The following PDPK1 variants were observed in gnomAD, a reference collection of about 807,000 sequenced individuals.
PDPK1 encodes 3-phosphoinositide dependent protein kinase 1, also known as 3-phosphoinositide-dependent protein kinase 1.
In PDPK1, 7 loss-of-function variants were observed where a neutral mutation model predicts 39.8. The observed-to-expected ratio is 0.18, with a 90% CI of 0.10 to 0.33. The LOEUF (loss-of-function observed/expected upper bound fraction) is 0.33, where lower values mean the gene tolerates loss of function less well. PDPK1 is among the 10% of genes least tolerant of loss of function. The pLI, the probability that PDPK1 is intolerant of heterozygous loss-of-function variation, is 1.00. For synonymous variants in PDPK1, 118 were observed against 159.1 expected, an observed-to-expected ratio of 0.74 and a Z score of 1.95; for missense variants, 182 against 384.7, an observed-to-expected ratio of 0.47 and a Z score of 4.41.
rs2067220432 is a variant in PDPK1, at chr16:2,601,729, G to A, written c.*3962G>A. The stretch of plus-strand genomic sequence containing the variant: ...GGGGCCCCACCTTCAGGTCTTAGTG[G>A]TTCACAAGAGCCCAGCAGCCAGGCT... On this transcript the variant is annotated 3_prime_UTR_variant, in exon 14 of 14. Transcript: ENST00000342085. 3 of 188,416 alleles carry A rather than the reference G, an allele frequency of 1.6e-5. No individual in the cohort carries two copies. The highest frequency in any genetic ancestry group is 3.2e-5 in the Non-Finnish European group (3 of 94,712). 11.7% of individuals were successfully genotyped at this position (188,416 alleles called of 1,614,324 possible). A position where few individuals can be genotyped will look rare whatever the true frequency, so the allele number is the denominator to read the frequency against.
At chr16:2,539,720 G>A (rs1216331640) in intron 1 of PDPK1, among the ~76,000 whole-genome samples, 1 of 152,322 alleles carries the variant, frequency 6.6e-6, no homozygotes, top group Admixed American at 6.5e-5. Flanking sequence ...GGCTGGGGCC[G>A]AGAGTTATGT....
chr16:2,544,498 C>T (rs994874865), intron 1 of PDPK1, among the ~76,000 whole-genome samples: 3 of 152,216 alleles, frequency 2.0e-5, no homozygotes, highest in Admixed American at 6.5e-5. Context: ...AAGCATAGTA[C>T]AATGAATATC....
chr16:2,543,971 G>A (rs1199532156), intron 1 of PDPK1, among the ~76,000 whole-genome samples: 1 of 151,584 alleles, frequency 6.6e-6, no homozygotes, highest in Non-Finnish European at 1.5e-5. Flanking sequence ...CTGACCTCAG[G>A]TGATCCGCCC....
At chr16:2,542,169 T>C (rs78166855) in intron 1 of PDPK1, among the ~76,000 whole-genome samples, 2,889 of 152,090 alleles carry the variant, frequency 0.019, 17 homozygotes, top group African/African-American at 0.067. Flanking sequence ...TGTTTATTTA[T>C]TTATTTTTTC....
chr16:2,592,865 A>G (rs908994078), intron 11 of PDPK1: 4 of 456,014 alleles, frequency 8.8e-6, no homozygotes, highest in African/African-American at 8.0e-5. Flanking sequence ...TGTCTCTCTC[A>G]GGGGATGCTG....
Position 2,599,946 on chromosome 16 carries a change from C to T in PDPK1, c.*2179C>T, listed in dbSNP as rs2067183261. The T allele has an allele frequency of 4.3e-6, 1 of 233,214 alleles. No individual in the cohort carries two copies. The highest frequency in any genetic ancestry group is 5.6e-5 in the Admixed American group (1 of 17,788). The allele number at this position is 233,214 out of a possible 1,614,324, so 14.4% of individuals were successfully genotyped here. On this transcript the variant is annotated 3_prime_UTR_variant, in exon 14 of 14. Coordinates refer to ENST00000342085, the MANE Select transcript of PDPK1 (RefSeq NM_002613.5). ...AGCTCCATCTTAACCTCCAAAGCCA[C>T]AGAACTAGGGGCTCAGAGCCAGAGC... is the stretch of plus-strand genomic sequence containing the variant.
At chr16:2,589,696 G>GAAA (rs530064221) in intron 11 of PDPK1, among the ~76,000 whole-genome samples, 2 of 74,626 alleles carry the variant, frequency 2.7e-5, no homozygotes, top group African/African-American at 8.8e-5. Flanking sequence ...CTCAAAATTG[G>GAAA]AAAAAAAAAA....
intron 1 of PDPK1, among the ~76,000 whole-genome samples, chr16:2,540,750 C>G (rs978882301): frequency 6.6e-6 from 1 of 152,168 alleles, no homozygotes; most frequent in African/African-American, 2.4e-5. Flanking sequence ...GGCTGTGATT[C>G]GGCCTTGTTT....
intron 11 of PDPK1, among the ~76,000 whole-genome samples, chr16:2,590,074 G>A (rs959124983): frequency 6.6e-6 from 1 of 152,222 alleles, no homozygotes; most frequent in Non-Finnish European, 1.5e-5. Flanking sequence ...TCTACAGACA[G>A]CCTGGACCTG....
chr16:2,594,937 C>T (rs753960192), intron 11 of PDPK1, among the ~76,000 whole-genome samples: 6 of 152,114 alleles, frequency 3.9e-5, no homozygotes, highest in South Asian at 2.1e-4. Context: ...CTGGCTAACA[C>T]GGTGAAACCC....
intron 1 of PDPK1, 72 bp downstream of exon 1, chr16:2,538,208 CGAGGCGG>C: frequency 1.2e-6 from 1 of 834,818 alleles, no homozygotes; most frequent in Non-Finnish European, 1.5e-6. Context: ...CCGGGTCCGG[CGAGGCGG>C]GGCGGCCCGG....
rs114635532 is a variant in PDPK1 at position 2,590,722 on chromosome 16, A to G, written c.1343+3829A>G. Among the ~76,000 whole-genome samples, 332 of 152,366 alleles carry G rather than the reference A, an allele frequency of 2.2e-3. 2 individuals are homozygous for G. Among genetic ancestry groups the G allele is most frequent in the African/African-American group, 7.7e-3 (320 of 41,586 alleles). ...ATAACATTGAAACCTTCAAGTGAAA[A>G]TTGGAATTTTGGAAAACTTTATTCA... On this transcript the variant is annotated intron_variant, in intron 11 of 13. Transcript: ENST00000342085.
Position 2,603,088 on chromosome 16 carries a change from C to CTTT in PDPK1, c.*5330_*5332dup, listed in dbSNP as rs111618468. ...ATATAATTTAATGAATCTGTTTATC[C>CTTT]TTTTTTTTTTTCCAAATACTTGTGC... On this transcript the variant is annotated 3_prime_UTR_variant, in exon 14 of 14. Transcript: ENST00000342085. 16 of 203,570 alleles carry CTTT rather than the reference C, an allele frequency of 7.9e-5. No homozygotes were observed. Among genetic ancestry groups the CTTT allele is most frequent in the African/African-American group, 3.0e-4 (13 of 42,938 alleles). The allele number at this position is 203,570 out of a possible 1,614,324, so 12.6% of individuals were successfully genotyped here.
At chr16:2,539,690 G>T (rs2066208710) in intron 1 of PDPK1, among the ~76,000 whole-genome samples, 1 of 152,136 alleles carries the variant, frequency 6.6e-6, no homozygotes, top group Non-Finnish European at 1.5e-5. Flanking sequence ...GAATTAGGCG[G>T]ATTGGCCAGG....
intron 11 of PDPK1, chr16:2,592,865 A>C (rs908994078): frequency 2.2e-6 from 1 of 456,132 alleles, no homozygotes; most frequent in East Asian, 7.0e-5. Context: ...TGTCTCTCTC[A>C]GGGGATGCTG....
At chr16:2,592,033 G>A (rs1008917566) in intron 11 of PDPK1, among the ~76,000 whole-genome samples, 9 of 152,216 alleles carry the variant, frequency 5.9e-5, no homozygotes, top group Non-Finnish European at 1.3e-4. Context: ...CAGTGAAGCT[G>A]AGCCTGCAGA....
At chr16:2,590,312 G>C (rs2066963401) in intron 11 of PDPK1, among the ~76,000 whole-genome samples, 1 of 152,188 alleles carries the variant, frequency 6.6e-6, no homozygotes, top group Non-Finnish European at 1.5e-5. Flanking sequence ...AGTGAAGACA[G>C]GGTTTCACTA....
chr16:2,540,767 C>T (rs1391526140), intron 1 of PDPK1, among the ~76,000 whole-genome samples: 3 of 152,104 alleles, frequency 2.0e-5, no homozygotes, highest in Admixed American at 1.3e-4. Context: ...GTTTGAGGGC[C>T]GATACTCTGA....
chr16:2,591,546 A>T (rs1451495413), intron 11 of PDPK1, among the ~76,000 whole-genome samples: 1 of 152,242 alleles, frequency 6.6e-6, no homozygotes, highest in African/African-American at 2.4e-5. Context: ...ATTCTTAGCC[A>T]AAAGGCCAGG....
Sources: gnomAD v4.1 joint callset for allele counts (sites outside exome capture counted in the v4.1 genomes callset) on GRCh38, gnomAD v4.1.1 for gene constraint, MANE v1.5 for transcripts, NCBI Gene and HGNC (gene_info 2026-07-23, HGNC 2026-07-21) for gene names.